The following TBC1D22A variants were observed in gnomAD, a reference collection of about 807,000 sequenced individuals.
The protein encoded by TBC1D22A is putative GTPase activator.
A neutral mutation model predicts 60.2 loss-of-function variants in TBC1D22A; 38 were observed. That is an observed-to-expected ratio of 0.63 (90% CI 0.49 to 0.83). The LOEUF (loss-of-function observed/expected upper bound fraction) is 0.83, where lower values mean the gene tolerates loss of function less well. Ranked by LOEUF, TBC1D22A falls within the 40% of genes least tolerant of loss-of-function variation. The pLI is 0.00. For synonymous variants in TBC1D22A, 302 were observed against 281.7 expected (o/e 1.07, Z -0.72); for missense variants, 628 against 701.0 (o/e 0.90, Z 1.18).
Position 47,136,267 on chromosome 22 carries a change from G to A in TBC1D22A, c.1425+24664G>A, listed in dbSNP as rs1247369675. On this transcript the variant is annotated intron_variant, in intron 12 of 12. Transcript: ENST00000337137. ...AGGAGCAGTGAGGGTCCTGGCCCCC[G>A]CCCCAGGTCCCCACAGCCCCTTTGG... 4.6e-5 allele frequency among the ~76,000 whole-genome samples: 7 copies of A among 152,246 alleles called. No homozygotes were observed. The East Asian group carries it at 7.7e-4, about 17-fold the overall frequency.
intron 7 of TBC1D22A, among the ~76,000 whole-genome samples, chr22:46,904,131 CT>C (rs1366239190): frequency 9.2e-6 from 1 of 108,406 alleles, no homozygotes. Flanking sequence ...ATCTATCTAT[CT>C]ATCTATCTAT....
intron 11 of TBC1D22A, among the ~76,000 whole-genome samples, chr22:47,076,392 C>T (rs1028430952): frequency 8.6e-4 from 75 of 87,224 alleles, no homozygotes; most frequent in African/African-American, 2.7e-3. Context: ...CACACACACA[C>T]ACACACACAC....
At chr22:46,913,864 T>A in intron 8 of TBC1D22A, 1 of 653,144 alleles carries the variant, frequency 1.5e-6, no homozygotes, top group Non-Finnish European at 1.9e-6. Context: ...CAAGACAGGA[T>A]GAAGGGGCAT....
At chr22:47,024,423 G>A (rs981699091) in intron 10 of TBC1D22A, among the ~76,000 whole-genome samples, 15 of 152,166 alleles carry the variant, frequency 9.9e-5, no homozygotes, top group African/African-American at 2.7e-4. Flanking sequence ...AAGGCAGATC[G>A]TGTTAGATTG....
chr22:47,172,117 G>C (rs1039282016), intron 12 of TBC1D22A, among the ~76,000 whole-genome samples: 20 of 151,890 alleles, frequency 1.3e-4, no homozygotes, highest in African/African-American at 4.6e-4. Context: ...CTCACCCAGA[G>C]TGCCCAGTGA....
At chr22:47,012,713 TGG>T in intron 10 of TBC1D22A, among the ~76,000 whole-genome samples, 1 of 152,244 alleles carries the variant, frequency 6.6e-6, no homozygotes, top group Non-Finnish European at 1.5e-5. Context: ...TTTTGGACTG[TGG>T]CCTTCAGGTA....
chr22:47,053,082 C>CA (rs2148448995), intron 11 of TBC1D22A, among the ~76,000 whole-genome samples: 1 of 152,308 alleles, frequency 6.6e-6, no homozygotes, highest in African/African-American at 2.4e-5. Flanking sequence ...AGTGCTGCCC[C>CA]AAGCATCGTG....
chr22:46,982,881 G>T (rs558176001), intron 9 of TBC1D22A, among the ~76,000 whole-genome samples: 1 of 151,998 alleles, frequency 6.6e-6, no homozygotes, highest in African/African-American at 2.4e-5. Flanking sequence ...GCGGTGGGGC[G>T]CCCTCCTGCC....
intron 8 of TBC1D22A, among the ~76,000 whole-genome samples, chr22:46,924,255 T>TCGGAGTGACTGGATG (rs1337500405): frequency 1.3e-5 from 2 of 152,144 alleles, no homozygotes; most frequent in African/African-American, 2.4e-5. Context: ...GACGGATAAC[T>TCGGAGTGACTGGATG]CGGAGTGACT....
At chr22:47,076,367 A>ATATATATGTGTGTG (rs2064220412) in intron 11 of TBC1D22A, among the ~76,000 whole-genome samples, 1 of 103,952 alleles carries the variant, frequency 9.6e-6, no homozygotes, top group Non-Finnish European at 1.8e-5. Context: ...GTGTGTATAT[A>ATATATATGTGTGTG]TATATATATA....
intron 11 of TBC1D22A, among the ~76,000 whole-genome samples, chr22:47,100,150 C>T (rs937730795): frequency 2.0e-5 from 3 of 152,300 alleles, no homozygotes; most frequent in African/African-American, 4.8e-5. Context: ...AGCTGCAGGC[C>T]GGTCCTGGCT....
intron 4 of TBC1D22A, among the ~76,000 whole-genome samples, chr22:46,838,912 A>G (rs2147201555): frequency 6.6e-6 from 1 of 152,338 alleles, no homozygotes; most frequent in East Asian, 1.9e-4. Context: ...ATCAACATAA[A>G]AAGGCCGTAT....
In TBC1D22A at chr22:46,918,755, G is replaced by C. The variant is rs2070547034; in HGVS notation, c.1015+6567G>C. Among the ~76,000 whole-genome samples, 2 of 152,166 alleles carry C rather than the reference G, an allele frequency of 1.3e-5. 1 individual carries two copies. The highest frequency in any genetic ancestry group is 4.1e-4 in the South Asian group (2 of 4,826). On this transcript the variant is annotated intron_variant, in intron 8 of 12. Transcript: ENST00000337137. Reference sequence around the variant, plus strand: ...GCTCCCTGCCCTCCCTCAGAAATGGGGGCCTGAATGTTTCTGTGCTTGGGG... The same window carrying C: ...GCTCCCTGCCCTCCCTCAGAAATGGCGGCCTGAATGTTTCTGTGCTTGGGG...
intron 5 of TBC1D22A, among the ~76,000 whole-genome samples, chr22:46,886,334 G>GTGAGTGTCCT (rs1399114837): frequency 6.6e-6 from 1 of 152,158 alleles, no homozygotes; most frequent in Non-Finnish European, 1.5e-5. Context: ...TGTCCCTCTC[G>GTGAGTGTCCT]AGTGCATCTT....
chr22:47,164,326 G>A (rs1391873055), intron 12 of TBC1D22A, among the ~76,000 whole-genome samples: 1 of 152,260 alleles, frequency 6.6e-6, no homozygotes, highest in African/African-American at 2.4e-5. Flanking sequence ...CTCTCAGCAG[G>A]TCTTGTTAGG....
chr22:46,838,637 T>C (rs1426934459), intron 4 of TBC1D22A, among the ~76,000 whole-genome samples: 1 of 152,204 alleles, frequency 6.6e-6, no homozygotes, highest in African/African-American at 2.4e-5. Context: ...GTATTCCTGA[T>C]GAACATAGAT....
chr22:46,833,719 T>C (rs1406723750), intron 4 of TBC1D22A, among the ~76,000 whole-genome samples: 1 of 152,240 alleles, frequency 6.6e-6, no homozygotes, highest in Non-Finnish European at 1.5e-5. Context: ...TGGGATAATA[T>C]TCCAGAAGAA....
intron 9 of TBC1D22A, among the ~76,000 whole-genome samples, chr22:46,991,382 A>G (rs147394022): frequency 6.6e-6 from 1 of 152,234 alleles, no homozygotes; most frequent in Non-Finnish European, 1.5e-5. Context: ...GCTGGGAGGG[A>G]TAGCGAATGT....
At chr22:47,036,865 C>T (rs1258517377) in intron 10 of TBC1D22A, among the ~76,000 whole-genome samples, 1 of 152,248 alleles carries the variant, frequency 6.6e-6, no homozygotes, top group Non-Finnish European at 1.5e-5. Context: ...GCAGCACCAC[C>T]ATCTTTCGCT....
Sources: allele counts gnomAD v4.1 joint callset (sites outside exome capture counted in the v4.1 genomes callset), GRCh38; gene constraint gnomAD v4.1.1; transcripts MANE v1.5; gene names NCBI Gene and HGNC (gene_info 2026-07-23, HGNC 2026-07-21).